Variants in ARPP21 observed in about 807,000 individuals in gnomAD.
ARPP21 encodes the protein cAMP-regulated phosphoprotein 21.
Under a neutral mutation model 113.2 loss-of-function variants are expected in ARPP21, and 69 were observed. The observed-to-expected ratio is 0.61, with a 90% CI of 0.50 to 0.74. The LOEUF (loss-of-function observed/expected upper bound fraction) is 0.74, where lower values mean the gene tolerates loss of function less well. Among genes scored for constraint, ARPP21 ranks in the 30% least tolerant of loss-of-function variants. The pLI is 0.00. For missense variants in ARPP21, 1,070 were observed against 1,037.4 expected (o/e 1.03, Z -0.43); for synonymous variants, 368 against 375.5 (o/e 0.98, Z 0.23).
In ARPP21 at chr3:35,689,335, A is replaced by C; in HGVS notation, c.435A>C (p.Thr145=). Residue 145 remains threonine, a synonymous_variant, in exon 7 of 21, where the codon ACA becomes ACC. Transcript: ENST00000684406. ...GCAGCCAAGAATACACGGATTCTACAGGCATAGACTTACACGAGTTTCTGA... is the reference window on the plus strand; with the variant it reads ...GCAGCCAAGAATACACGGATTCTACCGGCATAGACTTACACGAGTTTCTGA... ...KDCSQEYTDS[T]GIDLHEFLIN... is the part of the protein sequence containing the mutation. 6.3e-7 allele frequency: 1 copy of C among 1,585,060 alleles called. No individual in the cohort carries two copies. The highest frequency in any genetic ancestry group is 1.1e-5 in the South Asian group (1 of 90,412).
intron 14 of ARPP21, among the ~76,000 whole-genome samples, chr3:35,727,259 G>A (rs1199460115): frequency 2.6e-5 from 4 of 152,166 alleles, no homozygotes; most frequent in African/African-American, 7.2e-5. Flanking sequence ...GCAATGTGGG[G>A]TCGTGATTAA....
chr3:35,694,760 T>G (rs1254733754), intron 9 of ARPP21, among the ~76,000 whole-genome samples: 2 of 151,204 alleles, frequency 1.3e-5, no homozygotes, highest in Non-Finnish European at 3.0e-5. Context: ...CAGTGATTGA[T>G]GGACAAGATA....
chr3:35,686,494 C>G (rs1341831348), intron 5 of ARPP21, among the ~76,000 whole-genome samples: 1 of 151,586 alleles, frequency 6.6e-6, no homozygotes, highest in Non-Finnish European at 1.5e-5. Context: ...AGTGGAGCCC[C>G]TTCCATAAAA....
intron 18 of ARPP21, among the ~76,000 whole-genome samples, chr3:35,739,818 C>T (rs2094551814): frequency 6.6e-6 from 1 of 152,166 alleles, no homozygotes; most frequent in African/African-American, 2.4e-5. Flanking sequence ...GGGAATATCC[C>T]ATTTTCCAGG....
chr3:35,671,216 C>T (rs978899890), intron 1 of ARPP21, among the ~76,000 whole-genome samples: 2 of 152,020 alleles, frequency 1.3e-5, no homozygotes, highest in Admixed American at 1.3e-4. Flanking sequence ...TCCTGCAGTA[C>T]ATCCACACCC....
At chr3:35,693,152 G>T (rs2082744701) in intron 9 of ARPP21, among the ~76,000 whole-genome samples, 1 of 151,504 alleles carries the variant, frequency 6.6e-6, no homozygotes, top group Admixed American at 6.6e-5. Context: ...AGGTACAACT[G>T]CTACAACAGG....
chr3:35,656,760 T>C (rs1705146091), intron 1 of ARPP21, among the ~76,000 whole-genome samples: 1 of 152,064 alleles, frequency 6.6e-6, no homozygotes, highest in Admixed American at 6.6e-5. Context: ...TTTATACAAG[T>C]GTTAAAATTA....
chr3:35,732,707 T>C (rs933879580), intron 15 of ARPP21, among the ~76,000 whole-genome samples: 6 of 152,196 alleles, frequency 3.9e-5, no homozygotes, highest in African/African-American at 1.4e-4. Context: ...TTCTTGGCCA[T>C]TATCTGGTGC....
At position 35,743,877 on chromosome 3, in the gene ARPP21, C is replaced by T. The variant is rs1331748067; in HGVS notation, c.2049C>T (p.Thr683=). The T allele has an allele frequency of 3.1e-6, 5 of 1,614,014 alleles. No individual in the cohort carries two copies. Among genetic ancestry groups the T allele is most frequent in the African/African-American group, 1.3e-5 (1 of 74,932 alleles). Residue 683 remains threonine (T), a synonymous_variant, in exon 19 of 21, where the codon ACC becomes ACT. Coordinates refer to ENST00000684406, the MANE Select transcript of ARPP21 (RefSeq NM_001385562.1). ...VYYYPSGQYP[T]STTQQYRPMA... ...ATTACCCATCTGGTCAGTACCCTAC[C>T]TCAACCACGCAACAGTACCGGCCCA...
At chr3:35,751,009 A>T (rs2151071283) in intron 19 of ARPP21, among the ~76,000 whole-genome samples, 1 of 152,254 alleles carries the variant, frequency 6.6e-6, no homozygotes, top group East Asian at 1.9e-4. Context: ...GATGAAGTTG[A>T]CCGTTTACAA....
chr3:35,775,033 C>T (rs1282343349), intron 19 of ARPP21: 1 of 152,024 alleles, frequency 6.6e-6, no homozygotes, highest in Admixed American at 6.6e-5. Flanking sequence ...TAAAATATGT[C>T]AATTTAAATA....
chr3:35,794,242 A>G lies in ARPP21; in HGVS notation c.*284A>G, dbSNP rs977155950. On this transcript the variant is annotated 3_prime_UTR_variant, in exon 21 of 21. Coordinates refer to ENST00000684406, the MANE Select transcript of ARPP21 (RefSeq NM_001385562.1). ...TGAATACCACTGTGTAGATTATAAT[A>G]TCCCTAATTTGGATTAGTTTTGTAC... 3 of 412,158 alleles carry G rather than the reference A, an allele frequency of 7.3e-6. No homozygotes were observed. The highest frequency in any genetic ancestry group is 2.0e-5 in the African/African-American group (1 of 50,628). 25.5% of individuals were successfully genotyped at this position (412,158 alleles called of 1,614,324 possible).
chr3:35,717,276 A>G, intron 12 of ARPP21, 22 bp from the exon 13 acceptor site: 1 of 1,515,362 alleles, frequency 6.6e-7, no homozygotes, highest in Non-Finnish European at 9.2e-7. Flanking sequence ...TATATCATAA[A>G]AATCATGTTT....
intron 2 of ARPP21, among the ~76,000 whole-genome samples, chr3:35,680,266 C>T (rs879557991): frequency 9.9e-5 from 15 of 151,888 alleles, no homozygotes; most frequent in African/African-American, 1.7e-4. Context: ...TTGTTAACCA[C>T]GCATACTGAG....
At chr3:35,676,440 A>G (rs879915564) in intron 1 of ARPP21, among the ~76,000 whole-genome samples, 5 of 152,080 alleles carry the variant, frequency 3.3e-5, no homozygotes, top group Admixed American at 6.6e-5. Flanking sequence ...TCATTAAAAC[A>G]TTTATATTCC....
intron 15 of ARPP21, among the ~76,000 whole-genome samples, chr3:35,732,803 C>T (rs2094080304): frequency 6.6e-6 from 1 of 152,180 alleles, no homozygotes; most frequent in Non-Finnish European, 1.5e-5. Context: ...CTTTCAAATG[C>T]TTCTGATGGA....
intron 9 of ARPP21, among the ~76,000 whole-genome samples, chr3:35,702,679 T>G (rs1005424125): frequency 1.3e-5 from 2 of 151,760 alleles, no homozygotes; most frequent in African/African-American, 4.8e-5. Context: ...AACAAGAGTT[T>G]GAGAGATGCT....
intron 14 of ARPP21, among the ~76,000 whole-genome samples, chr3:35,728,755 C>T (rs1269411717): frequency 6.6e-6 from 1 of 152,094 alleles, no homozygotes; most frequent in Non-Finnish European, 1.5e-5. Context: ...GATCCCAGGT[C>T]TTCTACTCAC....
At chr3:35,750,459 T>A (rs1411281103) in intron 19 of ARPP21, among the ~76,000 whole-genome samples, 1 of 152,144 alleles carries the variant, frequency 6.6e-6, no homozygotes, top group Non-Finnish European at 1.5e-5. Context: ...TCTTATAAAA[T>A]TTTTGAGGTG....
Sources: allele counts gnomAD v4.1 joint callset (sites outside exome capture counted in the v4.1 genomes callset), GRCh38; gene constraint gnomAD v4.1.1; transcripts MANE v1.5; gene names NCBI Gene and HGNC (gene_info 2026-07-23, HGNC 2026-07-21).